Variants in VPS13B observed in about 807,000 individuals in gnomAD.
VPS13B encodes the protein vacuolar protein sorting 13 homolog B.
VPS13B carries 285 observed loss-of-function variants against 426.4 expected under a neutral mutation model. The ratio of observed to expected loss-of-function variants is 0.67; its 90% CI spans 0.61 to 0.74. The LOEUF is 0.74. Ranked by LOEUF, VPS13B falls within the 30% of genes least tolerant of loss-of-function variation. The pLI, the probability that VPS13B is intolerant of heterozygous loss-of-function variation, is 0.00. For synonymous variants in VPS13B, 1,676 were observed against 1,676.4 expected (o/e 1.00, Z 0.01); for missense variants, 4,537 against 4,782.6 (o/e 0.95, Z 1.51).
intron 19 of VPS13B, among the ~76,000 whole-genome samples, chr8:99,296,818 A>G (rs1472580186): frequency 3.3e-5 from 5 of 152,162 alleles, no homozygotes; most frequent in Non-Finnish European, 7.3e-5. Context: ...CCATCTTGGA[A>G]ACAGAGACCA....
chr8:99,372,068 G>T (rs1368197797), intron 19 of VPS13B, among the ~76,000 whole-genome samples: 2 of 151,650 alleles, frequency 1.3e-5, no homozygotes, highest in African/African-American at 2.4e-5. Context: ...TGGCTAACAC[G>T]GTGAAACCCC....
At chr8:99,302,837 A>T (rs1020342784) in intron 19 of VPS13B, among the ~76,000 whole-genome samples, 3 of 152,154 alleles carry the variant, frequency 2.0e-5, no homozygotes. Flanking sequence ...TAAAAAACAG[A>T]ATGGCTCCAT....
intron 33 of VPS13B, among the ~76,000 whole-genome samples, chr8:99,584,025 C>T (rs532451432): frequency 3.3e-5 from 5 of 152,150 alleles, no homozygotes; most frequent in African/African-American, 9.6e-5. Context: ...CTTTCAGAGG[C>T]ACCTGGATAG....
intron 36 of VPS13B, among the ~76,000 whole-genome samples, chr8:99,701,758 G>A (rs1049773609): frequency 3.9e-5 from 6 of 152,064 alleles, no homozygotes; most frequent in African/African-American, 1.4e-4. Flanking sequence ...CTACTTAATA[G>A]TAACAATTTT....
Position 99,818,772 on chromosome 8 carries a change from T to G in VPS13B, c.8505T>G (p.His2835Gln), listed in dbSNP as rs1814195672. The G allele has an allele frequency of 1.2e-6, 2 of 1,614,000 alleles. No homozygotes were observed. Among genetic ancestry groups the G allele is most frequent in the Non-Finnish European group, 1.7e-6 (2 of 1,179,944 alleles). ...RSHLPDPIIIHLEKRSLGLSE... is the reference protein window; with the variant it reads ...RSHLPDPIIIQLEKRSLGLSE... ...ATCTTCCAGACCCCATTATCATACATTTGGAGAAAAGGAGTCTGGGATTGA... is the reference window on the plus strand; with the variant it reads ...ATCTTCCAGACCCCATTATCATACAGTTGGAGAAAAGGAGTCTGGGATTGA... The change falls in exon 47 of 62, where the codon CAT becomes CAG. Residue 2835 changes from histidine (H) to glutamine (Q), a missense_variant. By Grantham distance (24) the His-to-Gln change is conservative. Around this residue, in one of 2 missense-constraint regions of VPS13B, gnomAD observed 4,311 missense variants for 4,474.3 expected, o/e 0.96. Transcript: ENST00000357162.
intron 24 of VPS13B, among the ~76,000 whole-genome samples, chr8:99,471,646 A>C (rs1819412360): frequency 6.6e-6 from 1 of 152,176 alleles, no homozygotes; most frequent in Non-Finnish European, 1.5e-5. Context: ...CAAAAAATAA[A>C]ATGCTGGAGC....
At chr8:99,422,050 T>C (rs531533453) in intron 21 of VPS13B, among the ~76,000 whole-genome samples, 53 of 152,266 alleles carry the variant, frequency 3.5e-4, no homozygotes, top group Non-Finnish European at 4.7e-4. Flanking sequence ...ATAGAGGTTT[T>C]GATTAAATAA....
intron 3 of VPS13B, among the ~76,000 whole-genome samples, chr8:99,066,781 G>A (rs1189680070): frequency 2.6e-5 from 4 of 152,094 alleles, no homozygotes; most frequent in African/African-American, 7.2e-5. Context: ...TCCAGAATCT[G>A]CAAAGAACTT....
intron 23 of VPS13B, among the ~76,000 whole-genome samples, chr8:99,448,806 G>C (rs960495527): frequency 3.3e-5 from 5 of 151,900 alleles, no homozygotes. Flanking sequence ...GTTCTTATTA[G>C]TCCTTTTTGA....
At chr8:99,029,037 C>T (rs1365175662) in intron 2 of VPS13B, among the ~76,000 whole-genome samples, 6 of 150,802 alleles carry the variant, frequency 4.0e-5, no homozygotes, top group Admixed American at 3.3e-4. Context: ...GGTTGCCAGG[C>T]AGAGGGTTTC....
At chr8:99,353,155 C>A (rs1304442480) in intron 19 of VPS13B, among the ~76,000 whole-genome samples, 1 of 151,692 alleles carries the variant, frequency 6.6e-6, no homozygotes, top group Non-Finnish European at 1.5e-5. Context: ...CTAATTTTTT[C>A]ATATTTTTAA....
At chr8:99,509,539 T>G (rs1821676535) in intron 28 of VPS13B, among the ~76,000 whole-genome samples, 1 of 152,152 alleles carries the variant, frequency 6.6e-6, no homozygotes, top group Admixed American at 6.5e-5. Context: ...ACCATGTCAG[T>G]GGGTGATAGG....
chr8:99,516,651 G>A (rs2133653878), intron 29 of VPS13B, among the ~76,000 whole-genome samples: 1 of 151,758 alleles, frequency 6.6e-6, no homozygotes, highest in Admixed American at 6.6e-5. Context: ...TTCTGGGCAT[G>A]GTGGCCCGGG....
intron 3 of VPS13B, among the ~76,000 whole-genome samples, chr8:99,065,454 AT>A (rs1191845251): frequency 6.6e-6 from 1 of 152,218 alleles, no homozygotes; most frequent in Non-Finnish European, 1.5e-5. Context: ...CTTCGACAAA[AT>A]TTAACAGCGC....
intron 22 of VPS13B, among the ~76,000 whole-genome samples, chr8:99,435,770 T>G (rs1412159693): frequency 6.6e-6 from 1 of 152,126 alleles, no homozygotes; most frequent in Non-Finnish European, 1.5e-5. Context: ...GATTCTTGTT[T>G]TGGTGTTTGG....
At chr8:99,344,687 T>A (rs1033290055) in intron 19 of VPS13B, among the ~76,000 whole-genome samples, 8 of 151,986 alleles carry the variant, frequency 5.3e-5, no homozygotes, top group African/African-American at 1.9e-4. Context: ...GAATTTGAAC[T>A]TTTTTTTCAG....
At chr8:99,171,980 G>A (rs968217061) in intron 16 of VPS13B, among the ~76,000 whole-genome samples, 8 of 152,078 alleles carry the variant, frequency 5.3e-5, no homozygotes, top group African/African-American at 1.7e-4. Context: ...TGTTAGAATT[G>A]GACATTAGTG....
intron 30 of VPS13B, among the ~76,000 whole-genome samples, chr8:99,524,461 A>G (rs1347143402): frequency 6.6e-6 from 1 of 152,180 alleles, no homozygotes; most frequent in Non-Finnish European, 1.5e-5. Context: ...TCAAGGATAA[A>G]AAAGGATCCT....
intron 33 of VPS13B, among the ~76,000 whole-genome samples, chr8:99,581,393 A>G (rs1826051711): frequency 6.6e-6 from 1 of 152,294 alleles, no homozygotes; most frequent in Admixed American, 6.5e-5. Flanking sequence ...CACAGCCAAA[A>G]TGACTGGATG....
Sources: gnomAD v4.1 joint callset for allele counts (sites outside exome capture counted in the v4.1 genomes callset) on GRCh38, gnomAD v4.1.1 for gene constraint, gnomAD v4.1.1 regional missense constraint, MANE v1.5 for transcripts, NCBI Gene and HGNC (gene_info 2026-07-23, HGNC 2026-07-21) for gene names.